The following LDAH variants were observed in gnomAD, a reference collection of about 807,000 sequenced individuals.
LDAH encodes lipid droplet associated hydrolase.
LDAH carries 26 observed loss-of-function variants against 29.6 expected under a neutral mutation model. The ratio of observed to expected loss-of-function variants is 0.88; its 90% CI spans 0.64 to 1.22. The LOEUF (loss-of-function observed/expected upper bound fraction) is 1.22, where lower values mean the gene tolerates loss of function less well. Ranked by LOEUF, LDAH falls within the 50% of genes most tolerant of loss-of-function variation. The pLI, the probability that LDAH is intolerant of heterozygous loss-of-function variation, is 0.00. For missense variants in LDAH, 344 were observed against 387.3 expected, an observed-to-expected ratio of 0.89 and a Z score of 0.94; for synonymous variants, 117 against 133.0, an observed-to-expected ratio of 0.88 and a Z score of 0.83.
At chr2:20,758,597 T>C (rs755420583) in intron 4 of LDAH, among the ~76,000 whole-genome samples, 1 of 152,122 alleles carries the variant, frequency 6.6e-6, no homozygotes, top group Non-Finnish European at 1.5e-5. Flanking sequence ...GCAATGCCTA[T>C]AATATAGGGT....
intron 6 of LDAH, among the ~76,000 whole-genome samples, chr2:20,690,160 C>A (rs1662892904): frequency 1.3e-5 from 2 of 152,022 alleles, no homozygotes; most frequent in African/African-American, 4.8e-5. Context: ...GCAGTTAAGG[C>A]AGTGATTTGA....
chr2:20,737,541 G>C (rs956392363), intron 5 of LDAH, among the ~76,000 whole-genome samples: 1 of 152,112 alleles, frequency 6.6e-6, no homozygotes, highest in Non-Finnish European at 1.5e-5. Context: ...GATTCCATTG[G>C]GTCTCAAGTA....
In LDAH at chr2:20,792,630, G is replaced by A. The variant is rs1358957197; in HGVS notation, c.155-2232C>T. Among the ~76,000 whole-genome samples the A allele has an allele frequency of 2.0e-5, 3 of 152,076 alleles. No individual in the cohort carries two copies. The East Asian group carries it at 5.8e-4, about 29-fold the overall frequency. Reference sequence around the variant, plus strand: ...TGGATAGCCACTTGCACAAAACTTGGCACATGGTAGGGGCTGAATAAATGG... The same window carrying A: ...TGGATAGCCACTTGCACAAAACTTGACACATGGTAGGGGCTGAATAAATGG... On this transcript the variant is annotated intron_variant, in intron 2 of 6. Transcript: ENST00000237822.
At chr2:20,721,307 C>T (rs1665629055) in intron 5 of LDAH, among the ~76,000 whole-genome samples, 2 of 152,072 alleles carry the variant, frequency 1.3e-5, no homozygotes, top group African/African-American at 2.4e-5. Context: ...CTGAATAAAA[C>T]ATGGACCAAA....
chr2:20,709,934 G>A (rs1664589392), intron 5 of LDAH, among the ~76,000 whole-genome samples: 1 of 152,172 alleles, frequency 6.6e-6, no homozygotes, highest in Non-Finnish European at 1.5e-5. Context: ...CAGGGCCAAA[G>A]CAGTAGTTAG....
At chr2:20,775,809 C>T (rs925415522) in intron 3 of LDAH, among the ~76,000 whole-genome samples, 2 of 152,122 alleles carry the variant, frequency 1.3e-5, no homozygotes, top group African/African-American at 4.8e-5. Context: ...TTTATTATAG[C>T]ACTTTATCAA....
rs1662414863 is a variant in LDAH, at chr2:20,684,406, T to G, written c.*2497A>C. The G allele has an allele frequency of 6.6e-6, 1 of 152,408 alleles. No homozygotes were observed. Among genetic ancestry groups the G allele is most frequent in the Non-Finnish European group, 1.5e-5 (1 of 68,196 alleles). The allele number at this position is 152,408 out of a possible 1,614,324, so 9.4% of individuals were successfully genotyped here. ...CTGAAATTGCTTTTTTTTTTTGCTC[T>G]TTTTTAAAAATTATTTTAGACACGA... On this transcript the variant is annotated 3_prime_UTR_variant, in exon 7 of 7. Transcript: ENST00000237822.
At chr2:20,794,932 T>C (rs1425479724) in intron 2 of LDAH, among the ~76,000 whole-genome samples, 1 of 152,174 alleles carries the variant, frequency 6.6e-6, no homozygotes, top group Non-Finnish European at 1.5e-5. Context: ...TAAATACCAT[T>C]GCATACAGTA....
intron 1 of LDAH, among the ~76,000 whole-genome samples, chr2:20,815,452 G>T (rs1356261855): frequency 1.3e-5 from 2 of 151,350 alleles, no homozygotes; most frequent in Non-Finnish European, 2.9e-5. Flanking sequence ...ACCCTAAGTG[G>T]GAAAAAATAA....
At position 20,705,579 on chromosome 2, in the gene LDAH, C is replaced by G. The variant is rs947307335; in HGVS notation, c.704-3927G>C. 1.1e-4 allele frequency among the ~76,000 whole-genome samples: 16 copies of G among 152,064 alleles called. No homozygotes were observed. The East Asian group carries it at 2.9e-3, about 27-fold the overall frequency. On this transcript the variant is annotated intron_variant, in intron 5 of 6. Coordinates refer to ENST00000237822, the MANE Select transcript of LDAH (RefSeq NM_021925.4). ...GTCATTTTTCTTCTATAGCCTTTCT[C>G]TTTTTCAATTTGTATTATTTTCTAA... is the stretch of plus-strand genomic sequence containing the variant.
chr2:20,808,676 A>G (rs1038336925), intron 1 of LDAH, among the ~76,000 whole-genome samples: 2 of 151,360 alleles, frequency 1.3e-5, no homozygotes, highest in African/African-American at 4.9e-5. Context: ...AAAAAAAAAG[A>G]ATAGCCAAGA....
Position 20,775,019 on chromosome 2 carries a change from G to T in LDAH, c.299-40C>A, listed in dbSNP as rs757513716. ...ATGAGCACGTTTTCATTAAGTAAAAGTAATCACTGAAAAAAGATCAAGAAA... is the reference window on the plus strand; with the variant it reads ...ATGAGCACGTTTTCATTAAGTAAAATTAATCACTGAAAAAAGATCAAGAAA... On this transcript the variant is annotated intron_variant, in intron 3 of 6. Coordinates refer to ENST00000237822, the MANE Select transcript of LDAH (RefSeq NM_021925.4). 5.3e-6 allele frequency: 8 copies of T among 1,510,340 alleles called. No homozygotes were observed. The East Asian group carries it at 1.1e-4, about 22-fold the overall frequency. The allele number at this position is 1,510,340 out of a possible 1,614,324, so 93.6% of individuals were successfully genotyped here. A position where few individuals can be genotyped will look rare whatever the true frequency, so the allele number is the denominator to read the frequency against.
At chr2:20,756,317 G>C (rs1436447676) in intron 4 of LDAH, among the ~76,000 whole-genome samples, 2 of 152,100 alleles carry the variant, frequency 1.3e-5, no homozygotes, top group Non-Finnish European at 2.9e-5. Context: ...TTACAGGTGA[G>C]AGCCACCGTG....
chr2:20,703,617 A>G (rs1481628221), intron 5 of LDAH, among the ~76,000 whole-genome samples: 1 of 152,142 alleles, frequency 6.6e-6, no homozygotes, highest in African/African-American at 2.4e-5. Flanking sequence ...GTCCTCCAAC[A>G]TTTGTTTTCG....
rs1663683645 is a variant in LDAH, at chr2:20,698,662, A to C, written c.786+2908T>G. Among the ~76,000 whole-genome samples, 1 of 152,200 alleles carries C rather than the reference A, an allele frequency of 6.6e-6. No homozygotes were observed. The highest frequency in any genetic ancestry group is 1.5e-5 in the Non-Finnish European group (1 of 68,042). ...GCCACTGCACTCTAGCCTGGGCGAC[A>C]GTGCAAGACTCTGTCTCAAAAAAAC... On this transcript the variant is annotated intron_variant, in intron 6 of 6. Coordinates refer to ENST00000237822, the MANE Select transcript of LDAH (RefSeq NM_021925.4). This position sits in a 1 kb window ranked among gnomAD's most constrained non-coding sequence, Gnocchi z 4.4.
intron 4 of LDAH, among the ~76,000 whole-genome samples, chr2:20,754,595 A>G (rs1362234116): frequency 1.3e-5 from 2 of 152,218 alleles, no homozygotes; most frequent in East Asian, 3.9e-4. Context: ...ATTGAAATTA[A>G]TATCACCAAT....
At chr2:20,806,921 GATA>G in intron 1 of LDAH, among the ~76,000 whole-genome samples, 1 of 151,638 alleles carries the variant, frequency 6.6e-6, no homozygotes, top group Non-Finnish European at 1.5e-5. Flanking sequence ...ATAGAAAAAA[GATA>G]ATAATGAAGA....
chr2:20,785,533 G>T (rs1670487211), intron 3 of LDAH, among the ~76,000 whole-genome samples: 1 of 152,178 alleles, frequency 6.6e-6, no homozygotes, highest in Non-Finnish European at 1.5e-5. Context: ...CCTTAGTATT[G>T]ATCCTGCTTA....
intron 2 of LDAH, among the ~76,000 whole-genome samples, chr2:20,791,223 A>AT (rs1486155273): frequency 1.3e-5 from 2 of 152,220 alleles, no homozygotes; most frequent in African/African-American, 4.8e-5. Context: ...GGTTAAGAGC[A>AT]TAGACTCTGA....
Sources: allele counts gnomAD v4.1 joint callset (sites outside exome capture counted in the v4.1 genomes callset), GRCh38; gene constraint gnomAD v4.1.1; non-coding constraint Gnocchi (gnomAD v3.1); transcripts MANE v1.5; gene names NCBI Gene and HGNC (gene_info 2026-07-23, HGNC 2026-07-21).